The following NECTIN3 variants were observed in gnomAD, a reference collection of about 807,000 sequenced individuals.
NECTIN3 encodes the protein nectin-3.
Under a neutral mutation model 49.4 loss-of-function variants are expected in NECTIN3, and 8 were observed. That is an observed-to-expected ratio of 0.16 (90% CI 0.10 to 0.29). NECTIN3 has a LOEUF of 0.29. Ranked by LOEUF, NECTIN3 falls within the 10% of genes least tolerant of loss-of-function variation. The pLI, the probability that NECTIN3 is intolerant of heterozygous loss-of-function variation, is 1.00. For missense variants in NECTIN3, 581 were observed against 654.6 expected, an observed-to-expected ratio of 0.89 and a Z score of 1.23; for synonymous variants, 277 against 241.1, an observed-to-expected ratio of 1.15 and a Z score of -1.38.
At chr3:111,138,562 C>T (rs1395994371), downstream of NECTIN3, among the ~76,000 whole-genome samples, 3 of 151,414 alleles carry the variant, frequency 2.0e-5, no homozygotes, top group Admixed American at 6.6e-5. Flanking sequence ...AAAGTTTTGC[C>T]TTGTATTCCC....
At chr3:111,177,405 A>G (rs1226507455) in intron 7 of NECTIN3, among the ~76,000 whole-genome samples, 1 of 152,190 alleles carries the variant, frequency 6.6e-6, no homozygotes, top group Non-Finnish European at 1.5e-5. Context: ...GAGGAATTCA[A>G]TTTTGGTTCT....
At chr3:111,085,230 A>G (rs2031857552) in intron 1 of NECTIN3, among the ~76,000 whole-genome samples, 1 of 152,214 alleles carries the variant, frequency 6.6e-6, no homozygotes, top group Admixed American at 6.5e-5. Flanking sequence ...ACATTCACAG[A>G]CACTAGAGGT....
At chr3:111,185,507 A>T (rs2035703878) in intron 7 of NECTIN3, among the ~76,000 whole-genome samples, 1 of 152,222 alleles carries the variant, frequency 6.6e-6, no homozygotes, top group Non-Finnish European at 1.5e-5. Flanking sequence ...TGGAAAGCAG[A>T]AGTAAAAATG....
intron 2 of NECTIN3, among the ~76,000 whole-genome samples, chr3:111,116,154 G>A (rs537497588): frequency 2.0e-5 from 3 of 152,126 alleles, no homozygotes; most frequent in South Asian, 4.1e-4. Flanking sequence ...CAGGCCCAGG[G>A]CTGATTATTT....
chr3:111,162,897 C>G (rs146491415), intron 7 of NECTIN3, among the ~76,000 whole-genome samples: 59 of 152,326 alleles, frequency 3.9e-4, no homozygotes, highest in African/African-American at 1.4e-3. Context: ...TATAACAGCA[C>G]TCTACTTCCA....
intron 1 of NECTIN3, among the ~76,000 whole-genome samples, chr3:111,103,902 C>A (rs1203467820): frequency 6.6e-6 from 1 of 152,130 alleles, no homozygotes; most frequent in East Asian, 1.9e-4. Flanking sequence ...TTTGTATATT[C>A]ATTCGTCTCT....
At chr3:111,095,459 T>C (rs1394181272) in intron 1 of NECTIN3, among the ~76,000 whole-genome samples, 1 of 152,230 alleles carries the variant, frequency 6.6e-6, no homozygotes, top group Non-Finnish European at 1.5e-5. Flanking sequence ...GATCAGCTTC[T>C]GTTCAGAAGG....
upstream of NECTIN3, among the ~76,000 whole-genome samples, chr3:111,189,351 C>T (rs1032169731): frequency 1.4e-4 from 21 of 152,030 alleles, no homozygotes; most frequent in Non-Finnish European, 2.9e-5. Flanking sequence ...ACTGACTTGT[C>T]CTAAGAATCA....
intron 1 of NECTIN3, among the ~76,000 whole-genome samples, chr3:111,098,957 A>C (rs1406824746): frequency 6.6e-6 from 1 of 152,104 alleles, no homozygotes; most frequent in Non-Finnish European, 1.5e-5. Flanking sequence ...TGAGCAAACA[A>C]ACTTAATTAA....
chr3:111,138,697 TC>T (rs2034659006), downstream of NECTIN3, among the ~76,000 whole-genome samples: 2 of 151,736 alleles, frequency 1.3e-5, no homozygotes, highest in South Asian at 4.1e-4. Flanking sequence ...TGCTGTTTTT[TC>T]TGGCTGGTTG....
At chr3:111,148,348 A>G (rs2107510664) in intron 7 of NECTIN3, among the ~76,000 whole-genome samples, 1 of 152,346 alleles carries the variant, frequency 6.6e-6, no homozygotes, top group African/African-American at 2.4e-5. Context: ...TGGGGCAGGA[A>G]GGAGCATTCC....
chr3:111,075,801 T>A (rs1156982849), intron 1 of NECTIN3, among the ~76,000 whole-genome samples: 2 of 152,128 alleles, frequency 1.3e-5, no homozygotes, highest in African/African-American at 4.8e-5. Flanking sequence ...GACTATTCCC[T>A]TAATGATGTC....
chr3:111,187,562 A>ATT (rs1446703902), upstream of NECTIN3, among the ~76,000 whole-genome samples: 19 of 152,362 alleles, frequency 1.2e-4, no homozygotes, highest in Admixed American at 1.2e-3. Flanking sequence ...GGAAGTAACC[A>ATT]ATATGCAAAT....
intron 1 of NECTIN3, among the ~76,000 whole-genome samples, chr3:111,095,232 A>G (rs9288918): frequency 0.83 from 126,762 of 152,162 alleles, 55,589 homozygotes; most frequent in Non-Finnish European, 0.97. Flanking sequence ...TAGAGACTTG[A>G]GGGAAAAATC....
In NECTIN3 at chr3:111,112,353, A is replaced by G. The variant is rs374717215; in HGVS notation, c.484A>G (p.Thr162Ala). 17 of 1,603,182 alleles carry G rather than the reference A, an allele frequency of 1.1e-5. No individual in the cohort carries two copies. The highest frequency in any genetic ancestry group is 1.1e-5 in the Non-Finnish European group (13 of 1,172,156). The change falls in exon 2 of 6, where the codon ACA becomes GCA. Residue 162 changes from threonine to alanine, a missense_variant. Transcript: ENST00000485303. ...CCCGCTTGGAAATGCCCAGTCCTCT[A>G]CAACTGTAACTGTGTTAGGTAGGTA... Reference protein sequence around the residue: ...TFPLGNAQSSTTVTVLVEPTV... With the variant: ...TFPLGNAQSSATVTVLVEPTV...
chr3:111,173,234 C>A (rs1284210079), intron 7 of NECTIN3, among the ~76,000 whole-genome samples: 1 of 152,204 alleles, frequency 6.6e-6, no homozygotes, highest in Non-Finnish European at 1.5e-5. Context: ...ATCTGCTCCA[C>A]ATCTTTACAA....
At chr3:111,140,948 C>T (rs1427481068), downstream of NECTIN3, among the ~76,000 whole-genome samples, 2 of 151,758 alleles carry the variant, frequency 1.3e-5, no homozygotes, top group Non-Finnish European at 2.9e-5. Context: ...TCTATACTTC[C>T]TGGATGACAT....
rs1013705551 is a variant in NECTIN3 at position 111,136,350 on chromosome 3, G to A, written c.*2135G>A. On this transcript the variant is annotated 3_prime_UTR_variant, in exon 6 of 6. Transcript: ENST00000485303. ...ACATTGTGGTTATTTGTGCGATTAGGTTTTTTTGTTTGTTTCTTTTGTGTT... is the reference window on the plus strand; with the variant it reads ...ACATTGTGGTTATTTGTGCGATTAGATTTTTTTGTTTGTTTCTTTTGTGTT... 1 of 984,464 alleles carries A rather than the reference G, an allele frequency of 1.0e-6. No individual in the cohort carries two copies. Among genetic ancestry groups the A allele is most frequent in the African/African-American group, 1.8e-5 (1 of 57,112 alleles). 61.0% of individuals were successfully genotyped at this position (984,464 alleles called of 1,614,324 possible). A position where few individuals can be genotyped will look rare whatever the true frequency, so the allele number is the denominator to read the frequency against.
chr3:111,107,324 A>G (rs1320356796), intron 1 of NECTIN3, among the ~76,000 whole-genome samples: 3 of 152,144 alleles, frequency 2.0e-5, no homozygotes, highest in Non-Finnish European at 4.4e-5. Flanking sequence ...GGAGCTACAG[A>G]TAGGGGAATA....
Sources: gnomAD v4.1 joint callset for allele counts (sites outside exome capture counted in the v4.1 genomes callset) on GRCh38, gnomAD v4.1.1 for gene constraint, MANE v1.5 for transcripts, NCBI Gene and HGNC (gene_info 2026-07-23, HGNC 2026-07-21) for gene names.